The following ZRANB2 variants were observed in gnomAD, a reference collection of about 807,000 sequenced individuals.
The protein encoded by ZRANB2 is zinc finger RANBP2-type containing 2.
A neutral mutation model predicts 53.4 loss-of-function variants in ZRANB2; 19 were observed. The observed-to-expected ratio is 0.36, with a 90% CI of 0.25 to 0.52. The LOEUF (loss-of-function observed/expected upper bound fraction) is 0.52. ZRANB2 is among the 20% of genes least tolerant of loss of function. ZRANB2 has a pLI of 0.93. For synonymous variants in ZRANB2, 145 were observed against 134.8 expected (o/e 1.08, Z -0.52); for missense variants, 309 against 401.1 (o/e 0.77, Z 1.96).
chr1:71,076,982 CA>C (rs1387057644), intron 3 of ZRANB2, 105 bp from the exon 4 acceptor site: 25 of 828,648 alleles, frequency 3.0e-5, no homozygotes, highest in Non-Finnish European at 4.7e-5. Flanking sequence ...AAACCACTGT[CA>C]AAGAAATGTT....
rs772064265 is a variant in ZRANB2 at position 71,069,285 on chromosome 1, G to A, written c.761C>T (p.Ser254Leu). ...SSRERSRSRG[S>L]KSRSSSRSHR... ...ATGCTACCTCATTCACCTTGATTTC[G>A]ACCCACGAGATCTCGAACGTTCTCT... The change falls in exon 8 of 10, where the codon TCG becomes TTG. Residue 254 changes from serine to leucine, a missense_variant. By Grantham distance (145) the Ser-to-Leu change is moderately radical (BLOSUM62 -2). Transcript: ENST00000370920. 6.8e-6 allele frequency: 11 copies of A among 1,609,826 alleles called. No homozygotes were observed. Among genetic ancestry groups the A allele is most frequent in the Non-Finnish European group, 9.3e-6 (11 of 1,177,824 alleles).
chr1:71,066,889 T>A lies in ZRANB2; in HGVS notation c.816A>T (p.Arg272Ser), dbSNP rs374881268. The A allele has an allele frequency of 3.7e-6, 6 of 1,604,414 alleles. No individual in the cohort carries two copies. The highest frequency in any genetic ancestry group is 1.3e-5 in the African/African-American group (1 of 74,560). The change falls in exon 9 of 10, where the codon AGA becomes AGT. Residue 272 changes from arginine to serine, a missense_variant. By Grantham distance (110) the Arg-to-Ser change is moderately radical. Coordinates refer to ENST00000370920, the MANE Select transcript of ZRANB2 (RefSeq NM_203350.3). ...GAGAAGATGATGAACTTGAATAAGATCTTTTTCGTGGGGAAGAAGAGCCCC... is the reference window on the plus strand; with the variant it reads ...GAGAAGATGATGAACTTGAATAAGAACTTTTTCGTGGGGAAGAAGAGCCCC... ...SHRGSSSPRKRSYSSSSSSPE... is the reference protein window; with the variant it reads ...SHRGSSSPRKSSYSSSSSSPE...
At chr1:71,065,689 A>T in intron 9 of ZRANB2, 1 of 1,611,524 alleles carries the variant, frequency 6.2e-7, no homozygotes, top group Non-Finnish European at 8.5e-7. Context: ...TGGGTAAAGT[A>T]GTGGTGTTCC....
intron 1 of ZRANB2, 117 bp from the exon 2 acceptor site, chr1:71,078,825 T>C (rs1661769123): frequency 3.4e-6 from 3 of 872,638 alleles, no homozygotes; most frequent in African/African-American, 3.4e-5. Context: ...GTCATGTTAA[T>C]GTCAATGTTA....
intron 4 of ZRANB2, among the ~76,000 whole-genome samples, chr1:71,074,685 CAAAA>C (rs1157043887): frequency 6.6e-6 from 1 of 150,880 alleles, no homozygotes; most frequent in East Asian, 1.9e-4. Flanking sequence ...CTGACAAAAA[CAAAA>C]ATAATCCTAA....
intron 4 of ZRANB2, among the ~76,000 whole-genome samples, chr1:71,073,962 A>G (rs940762622): frequency 6.6e-6 from 1 of 152,134 alleles, no homozygotes; most frequent in Non-Finnish European, 1.5e-5. Context: ...AGTGGAATCA[A>G]TGGAATGATA....
chr1:71,064,303 C>T lies in ZRANB2; in HGVS notation c.*771G>A, dbSNP rs1661370132. On this transcript the variant is annotated 3_prime_UTR_variant, in exon 10 of 10. Coordinates refer to ENST00000370920, the MANE Select transcript of ZRANB2 (RefSeq NM_203350.3). ...TCTACCATATTATATTTGGTAACTA[C>T]ATTTGGAAGAATATCACACAAAGCT... 1 of 152,068 alleles carries T rather than the reference C, an allele frequency of 6.6e-6. No individual in the cohort carries two copies. The highest frequency in any genetic ancestry group is 2.4e-5 in the African/African-American group (1 of 41,422). 9.4% of individuals were successfully genotyped at this position (152,068 alleles called of 1,614,324 possible). A position where few individuals can be genotyped will look rare whatever the true frequency, so the allele number is the denominator to read the frequency against.
At position 71,065,634 on chromosome 1, in the gene ZRANB2, T is replaced by C. The variant is rs889934751; in HGVS notation, c.930-497A>G. On this transcript the variant is annotated intron_variant, in intron 9 of 9. Transcript: ENST00000370920. ...CACAAGATGATTGTACAATTTGCTA[T>C]AGGGTTATATTCATGCAGCTAGTAT... 4.5e-6 allele frequency: 7 copies of C among 1,571,648 alleles called. No individual in the cohort carries two copies. The Admixed American group carries it at 5.8e-5, about 13-fold the overall frequency.
chr1:71,080,587 G>C (rs913010199), intron 1 of ZRANB2, among the ~76,000 whole-genome samples: 2 of 147,444 alleles, frequency 1.4e-5, no homozygotes, highest in African/African-American at 5.0e-5. Flanking sequence ...GTCACGTGGG[G>C]GAGATCCAAC....
rs1661386265 is a variant in ZRANB2 at position 71,064,921 on chromosome 1, CAAAT to C, written c.*149_*152del. 4 of 474,044 alleles carry C rather than the reference CAAAT, an allele frequency of 8.4e-6. No individual in the cohort carries two copies. The highest frequency in any genetic ancestry group is 4.9e-5 in the South Asian group (1 of 20,458). 29.4% of individuals were successfully genotyped at this position (474,044 alleles called of 1,614,324 possible). A position where few individuals can be genotyped will look rare whatever the true frequency, so the allele number is the denominator to read the frequency against. On this transcript the variant is annotated 3_prime_UTR_variant, in exon 10 of 10. Transcript: ENST00000370920. ...AAAATGCTATTTACTTTTAACTTCA[CAAAT>C]AAACACAGCTGTATTGTTTTGAAAA...
chr1:71,069,318 G>C lies in ZRANB2; in HGVS notation c.728C>G (p.Ser243Cys). The change falls in exon 8 of 10, where the codon TCC becomes TGC. Residue 243 changes from serine (S) to cysteine (C), a missense_variant. Coordinates refer to ENST00000370920, the MANE Select transcript of ZRANB2 (RefSeq NM_203350.3). The stretch of plus-strand genomic sequence containing the variant: ...AGATCTCGAACGTTCTCTGGAACTG[G>C]AACGAGATCTTGACTGCGAACTGGA... ...SSSSSQSRSR[S>C]SSRERSRSRG... 7 of 1,612,760 alleles carry C rather than the reference G, an allele frequency of 4.3e-6. No individual in the cohort carries two copies. Among genetic ancestry groups the C allele is most frequent in the Non-Finnish European group, 5.9e-6 (7 of 1,179,334 alleles).
intron 3 of ZRANB2, among the ~76,000 whole-genome samples, chr1:71,077,514 T>C (rs570518418): frequency 9.9e-5 from 15 of 152,276 alleles, no homozygotes; most frequent in African/African-American, 2.4e-4. Context: ...GCTGGAAACT[T>C]TTCCAATACA....
intron 1 of ZRANB2, among the ~76,000 whole-genome samples, chr1:71,079,033 CCACTT>C (rs1661773559): frequency 6.6e-6 from 1 of 152,142 alleles, no homozygotes; most frequent in Non-Finnish European, 1.5e-5. Flanking sequence ...AGAGTTAACT[CCACTT>C]CACTAATTAC....
intron 1 of ZRANB2, among the ~76,000 whole-genome samples, chr1:71,079,422 A>G (rs1462698653): frequency 4.6e-5 from 7 of 152,188 alleles, no homozygotes; most frequent in Non-Finnish European, 8.8e-5. Context: ...TATTGGTAAA[A>G]GTATGTTAAA....
intron 4 of ZRANB2, among the ~76,000 whole-genome samples, chr1:71,074,639 G>A (rs145591571): frequency 3.8e-4 from 58 of 150,686 alleles, no homozygotes; most frequent in African/African-American, 1.4e-3. Flanking sequence ...TTGTTTTTAT[G>A]CCATTATCTT....
intron 8 of ZRANB2, 100 bp downstream of exon 8, chr1:71,069,176 G>A (rs1573053147): frequency 9.7e-6 from 9 of 928,182 alleles, no homozygotes; most frequent in Admixed American, 2.8e-5. Flanking sequence ...AAATAAAATC[G>A]ACAAGTAGAA....
At chr1:71,075,864 G>A (rs1248099517) in intron 4 of ZRANB2, among the ~76,000 whole-genome samples, 1 of 146,428 alleles carries the variant, frequency 6.8e-6, no homozygotes, top group African/African-American at 2.6e-5. Flanking sequence ...AGGACATTAT[G>A]TTATAATGTT....
intron 6 of ZRANB2, 133 bp from the exon 7 acceptor site, chr1:71,071,129 T>A: frequency 1.3e-6 from 1 of 746,200 alleles, no homozygotes; most frequent in Non-Finnish European, 1.9e-6. Context: ...TTCTGAATTC[T>A]AAAATTCACC....
chr1:71,066,659 A>G (rs908110906), intron 9 of ZRANB2, 117 bp downstream of exon 9: 3 of 1,096,998 alleles, frequency 2.7e-6, no homozygotes, highest in Middle Eastern at 2.6e-4. Context: ...TCAAAGTTGA[A>G]AAGTAGAAAG....
Sources: gnomAD v4.1 joint callset for allele counts (sites outside exome capture counted in the v4.1 genomes callset) on GRCh38, gnomAD v4.1.1 for gene constraint, MANE v1.5 for transcripts, NCBI Gene and HGNC (gene_info 2026-07-23, HGNC 2026-07-21) for gene names.